Variants in DNAH7 observed in about 807,000 individuals in gnomAD.
The protein encoded by DNAH7 is dynein axonemal heavy chain 7, also known as axonemal beta dynein heavy chain 7.
In DNAH7, 397 loss-of-function variants were observed where a neutral mutation model predicts 444.6. The ratio of observed to expected loss-of-function variants is 0.89; its 90% CI spans 0.82 to 0.97. The LOEUF is 0.97. DNAH7 is among the 50% of genes least tolerant of loss of function. The pLI, the probability that DNAH7 is intolerant of heterozygous loss-of-function variation, is 0.00. For synonymous variants in DNAH7, 1,636 were observed against 1,624.4 expected, an observed-to-expected ratio of 1.01 and a Z score of -0.17; for missense variants, 4,902 against 4,800.8, an observed-to-expected ratio of 1.02 and a Z score of -0.62.
At chr2:195,915,088 A>G (rs341932) in intron 24 of DNAH7, among the ~76,000 whole-genome samples, 147,300 of 152,128 alleles carry the variant, frequency 0.97, 71,498 homozygotes, top group East Asian at 1. Context: ...GGTGCTGGGG[A>G]GAGAGAGAAA....
At chr2:195,977,012 C>G (rs953796547) in intron 15 of DNAH7, among the ~76,000 whole-genome samples, 3 of 152,152 alleles carry the variant, frequency 2.0e-5, no homozygotes, top group Non-Finnish European at 4.4e-5. Flanking sequence ...CCTGGAAAGT[C>G]TTCTCAAGAA....
rs115655211 is a variant in DNAH7, at chr2:195,756,718, G to T, written c.11434-433C>A. ...AAAATTTTTTTGTATAGGAAGCCAG[G>T]CAAGGTGGCTCATGCCTGTAATCCT... On this transcript the variant is annotated intron_variant, in intron 61 of 64. Coordinates refer to ENST00000312428, the MANE Select transcript of DNAH7 (RefSeq NM_018897.3). Among the ~76,000 whole-genome samples, 272 of 152,162 alleles carry T rather than the reference G, an allele frequency of 1.8e-3. 1 individual carries two copies. Among genetic ancestry groups the T allele is most frequent in the African/African-American group, 6.4e-3 (264 of 41,518 alleles).
At chr2:195,950,052 C>T (rs1690115039) in intron 19 of DNAH7, among the ~76,000 whole-genome samples, 1 of 152,050 alleles carries the variant, frequency 6.6e-6, no homozygotes, top group Admixed American at 6.6e-5. Flanking sequence ...GGGATATTGG[C>T]CTGAAATTTT....
rs781507070 is a variant in DNAH7 at position 196,026,878 on chromosome 2, A to G, written c.549T>C (p.Ser183=). Residue 183 remains serine, a synonymous_variant, in exon 7 of 65, where the codon TCT becomes TCC. Transcript: ENST00000312428. Reference sequence around the variant, plus strand: ...CTAAATCCAGTACGTGTTCTAGCCAAGAATCTTCCATTGGGGCTACATGGT... The same window carrying G: ...CTAAATCCAGTACGTGTTCTAGCCAGGAATCTTCCATTGGGGCTACATGGT... ...DTDHVAPMED[S]WLEHVLDLVP... is the part of the protein sequence containing the mutation. The G allele has an allele frequency of 5.0e-6, 8 of 1,612,576 alleles. No individual in the cohort carries two copies. The highest frequency in any genetic ancestry group is 6.8e-6 in the Non-Finnish European group (8 of 1,178,850).
chr2:195,941,673 CT>C (rs1333243851), intron 19 of DNAH7, among the ~76,000 whole-genome samples: 8 of 151,976 alleles, frequency 5.3e-5, no homozygotes, highest in Non-Finnish European at 4.4e-5. Context: ...CATAAATTTC[CT>C]AATGCAAAAT....
At chr2:195,863,698 G>A (rs1700151856) in intron 41 of DNAH7, among the ~76,000 whole-genome samples, 1 of 152,066 alleles carries the variant, frequency 6.6e-6, no homozygotes, top group South Asian at 2.1e-4. Context: ...TATTCCTGTT[G>A]GGCAGTCTTA....
At chr2:195,852,419 T>C (rs887823062) in intron 46 of DNAH7, among the ~76,000 whole-genome samples, 1 of 152,206 alleles carries the variant, frequency 6.6e-6, no homozygotes, top group Non-Finnish European at 1.5e-5. Flanking sequence ...ACATGTACTC[T>C]TTCTCATTTG....
Position 195,853,369 on chromosome 2 carries a change from C to T in DNAH7, c.8755G>A (p.Gly2919Arg), listed in dbSNP as rs753768877. The T allele has an allele frequency of 5.1e-5, 83 of 1,613,816 alleles. No individual in the cohort carries two copies. Among genetic ancestry groups the T allele is most frequent in the Middle Eastern group, 1.6e-4 (1 of 6,082 alleles). ...LISSGVVAYLGAFTSTYRQNQ... is the reference protein window; with the variant it reads ...LISSGVVAYLRAFTSTYRQNQ... ...TGTCTATAGGTGGATGTGAAGGCTC[C>T]GAGGTAAGCAACCACTCCGGAGGAA... The change falls in exon 46 of 65, where the codon GGA (glycine) becomes AGA (arginine). Residue 2919 changes from glycine to arginine, a missense_variant. Transcript: ENST00000312428.
intron 25 of DNAH7, among the ~76,000 whole-genome samples, chr2:195,907,490 C>T (rs569355061): frequency 3.3e-5 from 5 of 152,148 alleles, no homozygotes; most frequent in South Asian, 2.1e-4. Context: ...ATGTGCCATT[C>T]GATCATAAGG....
intron 19 of DNAH7, among the ~76,000 whole-genome samples, chr2:195,947,291 A>AT (rs1230315476): frequency 6.6e-6 from 1 of 151,624 alleles, no homozygotes; most frequent in East Asian, 1.9e-4. Context: ...CACATGTCTT[A>AT]TTTTTTTAAA....
chr2:195,835,497 C>T (rs1443023062), intron 47 of DNAH7, among the ~76,000 whole-genome samples: 1 of 151,870 alleles, frequency 6.6e-6, no homozygotes, highest in Non-Finnish European at 1.5e-5. Context: ...TGACTTGTCC[C>T]CCAAAATAAA....
At chr2:195,900,548 C>T in intron 27 of DNAH7, 54 bp from the exon 28 acceptor site, 1 of 1,533,986 alleles carries the variant, frequency 6.5e-7, no homozygotes. Context: ...ATAAGCTAGG[C>T]ATGGAAAGAT....
chr2:195,880,585 G>A (rs541595425), intron 36 of DNAH7, among the ~76,000 whole-genome samples: 1 of 151,914 alleles, frequency 6.6e-6, no homozygotes, highest in Non-Finnish European at 1.5e-5. Context: ...TGATCCCCCC[G>A]CCTCGGCCTC....
At chr2:195,782,990 T>C (rs530487945) in intron 58 of DNAH7, among the ~76,000 whole-genome samples, 24 of 152,340 alleles carry the variant, frequency 1.6e-4, no homozygotes, top group African/African-American at 5.0e-4. Flanking sequence ...TTGAGTTTTA[T>C]ATCTATATGC....
chr2:195,910,619 A>G (rs1398389787), intron 24 of DNAH7, among the ~76,000 whole-genome samples: 1 of 152,204 alleles, frequency 6.6e-6, no homozygotes, highest in Admixed American at 6.5e-5. Context: ...ATTAGACACT[A>G]AAAGATTGTT....
rs140046212 is a variant in DNAH7, at chr2:195,947,137, C to A, written c.3078+10124G>T. Among the ~76,000 whole-genome samples, 234 of 147,116 alleles carry A rather than the reference C, an allele frequency of 1.6e-3. 1 individual carries two copies. The highest frequency in any genetic ancestry group is 5.3e-3 in the African/African-American group (214 of 40,486). ...ATAATTATAATTATATATTATATAT[C>A]TACATAATTATATATTATTTTTATA... On this transcript the variant is annotated intron_variant, in intron 19 of 64. Coordinates refer to ENST00000312428, the MANE Select transcript of DNAH7 (RefSeq NM_018897.3).
At chr2:195,764,225 A>G (rs576110881) in intron 61 of DNAH7, among the ~76,000 whole-genome samples, 1 of 152,204 alleles carries the variant, frequency 6.6e-6, no homozygotes, top group South Asian at 2.1e-4. Context: ...AACTGGGTAT[A>G]GAAGGAACAT....
chr2:195,989,818 AC>A (rs1253085624), intron 12 of DNAH7, among the ~76,000 whole-genome samples: 1 of 152,140 alleles, frequency 6.6e-6, no homozygotes, highest in African/African-American at 2.4e-5. Context: ...CACGTGAGAC[AC>A]CTGTTCCCTC....
chr2:195,921,466 CTG>C (rs1459968216), intron 24 of DNAH7, among the ~76,000 whole-genome samples: 6 of 152,034 alleles, frequency 3.9e-5, no homozygotes, highest in Non-Finnish European at 8.8e-5. Context: ...GAGTTGGAGA[CTG>C]TTATTCTAAG....
Sources: gnomAD v4.1 joint callset for allele counts (sites outside exome capture counted in the v4.1 genomes callset) on GRCh38, gnomAD v4.1.1 for gene constraint, MANE v1.5 for transcripts, NCBI Gene and HGNC (gene_info 2026-07-23, HGNC 2026-07-21) for gene names.